Variants in ABCA8 observed in about 807,000 individuals in gnomAD.
ABCA8 encodes the protein ABC-type organic anion transporter ABCA8.
ABCA8 carries 177 observed loss-of-function variants against 192.3 expected under a neutral mutation model. The observed-to-expected ratio is 0.92, with a 90% CI of 0.81 to 1.04. The LOEUF (loss-of-function observed/expected upper bound fraction) is 1.04, where lower values mean the gene tolerates loss of function less well. Ranked by LOEUF, ABCA8 falls within the 50% of genes least tolerant of loss-of-function variation. The pLI is 0.00. For synonymous variants in ABCA8, 642 were observed against 690.2 expected (o/e 0.93, Z 1.09); for missense variants, 1,915 against 1,904.8 (o/e 1.01, Z -0.10).
intron 37 of ABCA8, among the ~76,000 whole-genome samples, chr17:68,873,255 C>A (rs1201665346): frequency 6.6e-6 from 1 of 152,178 alleles, no homozygotes; most frequent in African/African-American, 2.4e-5. Context: ...GTATTCCCTG[C>A]AGTCACATGC....
chr17:68,895,686 C>T lies in ABCA8; in HGVS notation c.2765-673G>A, dbSNP rs2066733213. On this transcript the variant is annotated intron_variant, in intron 21 of 39. Transcript: ENST00000586539. Reference sequence around the variant, plus strand: ...AAAGGGTGTGGGCAAGAACAGGGATCCCTATTCCCCAAGCCCAGTTCAGGG... The same window carrying T: ...AAAGGGTGTGGGCAAGAACAGGGATTCCTATTCCCCAAGCCCAGTTCAGGG... Among the ~76,000 whole-genome samples the T allele has an allele frequency of 7.2e-5, 11 of 152,260 alleles. No homozygotes were observed. In the South Asian group the frequency reaches 2.3e-3, roughly 32 times the overall value.
intron 4 of ABCA8, among the ~76,000 whole-genome samples, chr17:68,938,783 G>A (rs1293418050): frequency 6.6e-6 from 1 of 152,146 alleles, no homozygotes; most frequent in Non-Finnish European, 1.5e-5. Context: ...CTGACATCCT[G>A]TAGATATAGT....
In ABCA8 at chr17:68,936,940, C is replaced by A; in HGVS notation, c.466+11G>T. 2 of 1,550,544 alleles carry A rather than the reference C, an allele frequency of 1.3e-6. No homozygotes were observed. The highest frequency in any genetic ancestry group is 1.7e-6 in the Non-Finnish European group (2 of 1,153,562). On this transcript the variant is annotated intron_variant, in intron 5 of 39. Coordinates refer to ENST00000586539, the MANE Select transcript of ABCA8 (RefSeq NM_001288985.2). The stretch of plus-strand genomic sequence containing the variant: ...ATAGAGAGTAGTGAAATTTTAGAGC[C>A]ATAAAATTACCTGTATGGTCCTTGT...
chr17:68,886,345 G>A (rs991743412), intron 26 of ABCA8, among the ~76,000 whole-genome samples: 1 of 152,138 alleles, frequency 6.6e-6, no homozygotes, highest in Non-Finnish European at 1.5e-5. Context: ...ATATCTAGGA[G>A]AGATTATTAC....
At chr17:68,871,700 A>C (rs754260430) in intron 37 of ABCA8, among the ~76,000 whole-genome samples, 1 of 152,142 alleles carries the variant, frequency 6.6e-6, no homozygotes, top group Non-Finnish European at 1.5e-5. Context: ...GTGACCCCGT[A>C]AGCTTATAAT....
chr17:68,942,417 T>C (rs2068258002), intron 2 of ABCA8, among the ~76,000 whole-genome samples: 1 of 152,234 alleles, frequency 6.6e-6, no homozygotes, highest in Non-Finnish European at 1.5e-5. Flanking sequence ...TCTGATGCCA[T>C]CCAGGTATCA....
chr17:68,930,598 C>T (rs187407794), intron 7 of ABCA8, among the ~76,000 whole-genome samples: 2 of 152,228 alleles, frequency 1.3e-5, no homozygotes, highest in Non-Finnish European at 1.5e-5. Flanking sequence ...ACTTAGCAAA[C>T]ATTAAAGCAT....
In ABCA8 at chr17:68,929,660, C is replaced by A; in HGVS notation, c.840G>T (p.Met280Ile). ...GLLYAGFIFI[M>I]ALFLALVIRS... Reference sequence around the variant, plus strand: ...TTATAACAAGTGCCAAGAAAAGGGCCATAATGAAGATGAAACCAGCATAGA... The same window carrying A: ...TTATAACAAGTGCCAAGAAAAGGGCAATAATGAAGATGAAACCAGCATAGA... The change falls in exon 8 of 40, where the codon ATG (methionine) becomes ATT (isoleucine). Residue 280 changes from methionine (M) to isoleucine (I), a missense_variant. Physicochemically the swap from Met to Ile is conservative, Grantham distance 10. Coordinates refer to ENST00000586539, the MANE Select transcript of ABCA8 (RefSeq NM_001288985.2). The A allele has an allele frequency of 5.6e-6, 9 of 1,613,266 alleles. No homozygotes were observed. The highest frequency in any genetic ancestry group is 7.6e-6 in the Non-Finnish European group (9 of 1,179,614).
intron 7 of ABCA8, among the ~76,000 whole-genome samples, chr17:68,930,743 T>C (rs2067845916): frequency 6.6e-6 from 1 of 152,230 alleles, no homozygotes; most frequent in African/African-American, 2.4e-5. Context: ...TAGATTTCAC[T>C]GCTCTGCTAC....
chr17:68,944,316 T>TTATATATATATA (rs1177610587), intron 2 of ABCA8, among the ~76,000 whole-genome samples: 13 of 29,260 alleles, frequency 4.4e-4, no homozygotes, highest in Non-Finnish European at 6.8e-4. Context: ...GAACTTAAAG[T>TTATATATATATA]TATATATATA....
At position 68,895,013 on chromosome 17, in the gene ABCA8, C is replaced by T; in HGVS notation, c.2765G>A (p.Gly922Glu). ...CTGTATAAAGTCATCAATGCTTGCC[C>T]CTAAGGTGTAGTTAAAGATATTAGG... ...LTQLLIINKT[G>E]ASIDDFIQSV... Residue 922 changes from glycine to glutamate, a missense_variant and splice_region_variant, in exon 22 of 40, where the codon GGG becomes GAG. Gly to Glu is a moderately conservative substitution (Grantham distance 98). Transcript: ENST00000586539. 4 of 1,595,298 alleles carry T rather than the reference C, an allele frequency of 2.5e-6. No individual in the cohort carries two copies. Among genetic ancestry groups the T allele is most frequent in the African/African-American group, 1.3e-5 (1 of 74,282 alleles).
chr17:68,918,212 G>A (rs753982405), intron 15 of ABCA8, 27 bp from the exon 16 acceptor site: 11 of 1,611,228 alleles, frequency 6.8e-6, no homozygotes, highest in South Asian at 5.5e-5. Flanking sequence ...TATATAAGGC[G>A]GTTTTCCTCA....
intron 19 of ABCA8, 66 bp downstream of exon 19, chr17:68,905,978 A>T: frequency 2.1e-6 from 3 of 1,402,562 alleles, no homozygotes; most frequent in Middle Eastern, 2.3e-4. Flanking sequence ...TTGTAATCAC[A>T]TCTTTGGAAC....
chr17:68,883,472 C>T (rs562225134), intron 29 of ABCA8, among the ~76,000 whole-genome samples: 2 of 152,324 alleles, frequency 1.3e-5, no homozygotes, highest in South Asian at 4.1e-4. Flanking sequence ...GTTCCTTCCT[C>T]CTGGATGAAT....
Position 68,929,602 on chromosome 17 carries a change from TGAA to T in ABCA8, c.895_897del (p.Phe299del), listed in dbSNP as rs1468388338. The stretch of plus-strand genomic sequence containing the variant: ...AGGAGAAAGAGGCTGAAGACTACCA[TGAA>T]GCCAGACAAAATGATAAACTGGGTA... On this transcript the variant is annotated inframe_deletion, in exon 8 of 40. Transcript: ENST00000586539. The T allele has an allele frequency of 3.1e-6, 5 of 1,613,574 alleles. No individual in the cohort carries two copies. The African/African-American group carries it at 5.3e-5, about 17-fold the overall frequency.
At chr17:68,887,923 T>TGTCC (rs372944173) in intron 24 of ABCA8, among the ~76,000 whole-genome samples, 1 of 15,776 alleles carries the variant, frequency 6.3e-5, no homozygotes, top group African/African-American at 6.2e-4. Context: ...TATATATATA[T>TGTCC]ATTATATATG....
At chr17:68,901,918 G>A (rs922348022) in intron 21 of ABCA8, among the ~76,000 whole-genome samples, 12 of 151,730 alleles carry the variant, frequency 7.9e-5, no homozygotes, top group Non-Finnish European at 1.8e-4. Context: ...TAGTTACCAC[G>A]TGACCCAACA....
At chr17:68,939,908 G>A (rs576979550) in intron 4 of ABCA8, among the ~76,000 whole-genome samples, 1 of 152,154 alleles carries the variant, frequency 6.6e-6, no homozygotes, top group East Asian at 1.9e-4. Flanking sequence ...TGCATAAATT[G>A]TTAATCTTAT....
Position 68,911,385 on chromosome 17 carries a change from TC to T in ABCA8, c.2139-3507del, listed in dbSNP as rs201424856. 0.067 allele frequency among the ~76,000 whole-genome samples: 10,199 copies of T among 152,066 alleles called. 651 individuals carry two copies. Among genetic ancestry groups the T allele is most frequent in the East Asian group, 0.17 (899 of 5,152 alleles). Reference sequence around the variant, plus strand: ...GAGAGGGAAGAGTGGGAAGACTTTGTCTTCTGGTTTGGGTGTCAGCTCAGCT... The same window carrying T: ...GAGAGGGAAGAGTGGGAAGACTTTGTTTCTGGTTTGGGTGTCAGCTCAGCT... On this transcript the variant is annotated intron_variant, in intron 17 of 39. Coordinates refer to ENST00000586539, the MANE Select transcript of ABCA8 (RefSeq NM_001288985.2). The surrounding 1 kb of genome is among the most constrained non-coding windows in gnomAD (Gnocchi z 5.7).
Sources: allele counts gnomAD v4.1 joint callset (sites outside exome capture counted in the v4.1 genomes callset), GRCh38; gene constraint gnomAD v4.1.1; non-coding constraint Gnocchi (gnomAD v3.1); transcripts MANE v1.5; gene names NCBI Gene and HGNC (gene_info 2026-07-23, HGNC 2026-07-21).